Variants in KIF26A observed in about 807,000 individuals in gnomAD.
The protein encoded by KIF26A is kinesin-like protein KIF26A.
KIF26A carries 74 observed loss-of-function variants against 126.0 expected under a neutral mutation model. That is an observed-to-expected ratio of 0.59 (90% confidence interval 0.49 to 0.71). The LOEUF (loss-of-function observed/expected upper bound fraction) is 0.71, where lower values mean the gene tolerates loss of function less well. Ranked by LOEUF, KIF26A falls within the 30% of genes least tolerant of loss-of-function variation. The pLI, the probability that KIF26A is intolerant of heterozygous loss-of-function variation, is 0.00. For missense variants in KIF26A, 2,984 were observed against 2,763.3 expected, an observed-to-expected ratio of 1.08 and a Z score of -1.79; for synonymous variants, 1,445 against 1,232.7, an observed-to-expected ratio of 1.17 and a Z score of -3.61.
At chr14:104,169,827 C>T (rs534430336) in intron 5 of KIF26A, among the ~76,000 whole-genome samples, 5 of 152,210 alleles carry the variant, frequency 3.3e-5, no homozygotes, top group Non-Finnish European at 5.9e-5. Flanking sequence ...GCAGCTATTC[C>T]GTGGGGCTTT....
At position 104,175,608 on chromosome 14, in the gene KIF26A, A is replaced by G. The variant is rs764889110; in HGVS notation, c.2820A>G (p.Ala940=). Residue 940 remains alanine (A), a synonymous_variant, in exon 12 of 15, where the codon GCA becomes GCG. Transcript: ENST00000423312. The part of the protein sequence containing the change: ...WPELLVPEKA[A]VSGGRRPLPS... The stretch of plus-strand genomic sequence containing the variant: ...AGCTGCTGGTCCCGGAAAAGGCTGC[A>G]GTGAGTGGAGGCAGGAGGCCACTGC... 9.9e-6 allele frequency: 16 copies of G among 1,610,918 alleles called. No homozygotes were observed. Among genetic ancestry groups the G allele is most frequent in the Non-Finnish European group, 1.4e-5 (16 of 1,179,726 alleles).
intron 4 of KIF26A, among the ~76,000 whole-genome samples, chr14:104,162,627 G>A (rs1016330377): frequency 2.0e-5 from 3 of 152,178 alleles, no homozygotes; most frequent in Admixed American, 6.5e-5. Flanking sequence ...ATTGCCCACA[G>A]CCTTGGGTTG....
At chr14:104,138,816 G>C in intron 1 of KIF26A, 52 bp downstream of exon 1, 1 of 1,254,062 alleles carries the variant, frequency 8.0e-7, no homozygotes, top group Non-Finnish European at 1.0e-6. Context: ...GCCCGGGACG[G>C]CGAAGATACT....
chr14:104,150,927 C>T (rs899035358), intron 2 of KIF26A, among the ~76,000 whole-genome samples: 25 of 152,092 alleles, frequency 1.6e-4, no homozygotes, highest in Non-Finnish European at 2.5e-4. Context: ...AGCTGAGACA[C>T]CCCTTGGGGA....
At chr14:104,146,016 C>T (rs1310800328) in intron 2 of KIF26A, among the ~76,000 whole-genome samples, 1 of 152,240 alleles carries the variant, frequency 6.6e-6, no homozygotes, top group Non-Finnish European at 1.5e-5. Flanking sequence ...CAAGATGGGG[C>T]CAGCAGGGCA....
chr14:104,157,715 G>A (rs936137114), intron 3 of KIF26A, 40 bp from the exon 4 acceptor site: 9 of 1,586,708 alleles, frequency 5.7e-6, no homozygotes, highest in East Asian at 2.3e-5. Flanking sequence ...TGGTGTCTCT[G>A]CCCTTGCGTT....
chr14:104,156,192 A>G (rs1420654792), intron 3 of KIF26A, among the ~76,000 whole-genome samples: 2 of 152,238 alleles, frequency 1.3e-5, no homozygotes, highest in Non-Finnish European at 2.9e-5. Context: ...GTAACTTTAA[A>G]GATCACTCTT....
chr14:104,166,996 G>A lies in KIF26A; in HGVS notation c.1061G>A (p.Cys354Tyr), dbSNP rs2037912134. The change falls in exon 5 of 15, where the codon TGC becomes TAC. Residue 354 changes from cysteine to tyrosine, a missense_variant. Transcript: ENST00000423312. ...CTGTGGCCGCCCCCGGCGCCCCCCT[G>A]CCTGCTCAGGGCCGCCTCCAAGACC... The part of the protein sequence containing the change: ...LQLWPPPAPP[C>Y]LLRAASKTKD... 2.5e-6 allele frequency: 4 copies of A among 1,583,022 alleles called. No homozygotes were observed. The African/African-American group carries it at 5.4e-5, about 21-fold the overall frequency.
In KIF26A at chr14:104,176,885, C is replaced by T. The variant is rs764246536; in HGVS notation, c.4097C>T (p.Thr1366Met). The T allele has an allele frequency of 2.8e-5, 43 of 1,541,760 alleles. 1 individual carries two copies. Among genetic ancestry groups the T allele is most frequent in the African/African-American group, 6.9e-5 (5 of 72,912 alleles). Reference sequence around the variant, plus strand: ...GGGGCGGCCCCCCCGGCCCCACCCACGCGGAAGTCCAGCCTGGAGCAGAGG... The same window carrying T: ...GGGGCGGCCCCCCCGGCCCCACCCATGCGGAAGTCCAGCCTGGAGCAGAGG... Reference protein sequence around the residue: ...PSGAAPPAPPTRKSSLEQRSS... With the variant: ...PSGAAPPAPPMRKSSLEQRSS... The change falls in exon 12 of 15, where the codon ACG becomes ATG. Residue 1366 changes from threonine to methionine, a missense_variant. Transcript: ENST00000423312.
chr14:104,153,857 G>C (rs2037753068), intron 3 of KIF26A, among the ~76,000 whole-genome samples: 2 of 152,212 alleles, frequency 1.3e-5, no homozygotes, highest in Admixed American at 6.5e-5. Flanking sequence ...GGGTCCCAGC[G>C]GGTGGGGGTG....
At chr14:104,145,211 G>A (rs923211785) in intron 2 of KIF26A, among the ~76,000 whole-genome samples, 5 of 152,214 alleles carry the variant, frequency 3.3e-5, no homozygotes, top group Non-Finnish European at 1.5e-5. Context: ...TTCTTCCGGC[G>A]CTCAGGGTCA....
chr14:104,167,263 C>T (rs1405434658), intron 5 of KIF26A, among the ~76,000 whole-genome samples: 3 of 151,908 alleles, frequency 2.0e-5, no homozygotes, highest in South Asian at 2.1e-4. Flanking sequence ...AGGGGAGTGG[C>T]GTGTCCTAGG....
chr14:104,178,789 C>A (rs779875447), intron 13 of KIF26A, 34 bp downstream of exon 13: 2 of 1,258,880 alleles, frequency 1.6e-6, no homozygotes, highest in Non-Finnish European at 2.2e-6. Flanking sequence ...TCTATGACCC[C>A]TGGTGGGGAG....
At chr14:104,144,832 ATAAG>A (rs2037667098) in intron 2 of KIF26A, among the ~76,000 whole-genome samples, 2 of 152,368 alleles carry the variant, frequency 1.3e-5, no homozygotes, top group South Asian at 2.1e-4. Context: ...CTATGAGTAA[ATAAG>A]TAAGAGTAAA....
chr14:104,155,403 G>A (rs1195652435), intron 3 of KIF26A, among the ~76,000 whole-genome samples: 1 of 152,144 alleles, frequency 6.6e-6, no homozygotes, highest in African/African-American at 2.4e-5. Context: ...GAAGCTCCCC[G>A]TGGGGTGGGT....
At chr14:104,172,894 CT>C in intron 7 of KIF26A, 82 bp from the exon 8 acceptor site, 2 of 1,449,004 alleles carry the variant, frequency 1.4e-6, no homozygotes, top group South Asian at 2.9e-5. Flanking sequence ...CTCGGTGCCC[CT>C]GGTTGGCCCC....
At chr14:104,179,410 C>A (rs983317366) in intron 14 of KIF26A, 24 bp downstream of exon 14, 4 of 1,473,804 alleles carry the variant, frequency 2.7e-6, no homozygotes, top group Non-Finnish European at 2.7e-6. Context: ...GCCCACGGAC[C>A]CAGCCCGGCC....
chr14:104,144,331 G>C (rs1371026065), intron 2 of KIF26A, among the ~76,000 whole-genome samples: 1 of 152,172 alleles, frequency 6.6e-6, no homozygotes, highest in Non-Finnish European at 1.5e-5. Flanking sequence ...CGTGCTCTGG[G>C]GGAGTCTGGC....
rs985267479 is a variant in KIF26A, at chr14:104,152,881, C to T, written c.735+420C>T. 5.3e-5 allele frequency among the ~76,000 whole-genome samples: 8 copies of T among 152,196 alleles called. No individual in the cohort carries two copies. Among genetic ancestry groups the T allele is most frequent in the South Asian group, 2.1e-4 (1 of 4,818 alleles). ...GGGGGTGTGAGGCGTCCATGGACGT[C>T]GGGCGGGGGACCGGCAGTTGCAATT... On this transcript the variant is annotated intron_variant, in intron 3 of 14. Transcript: ENST00000423312. This position sits in a 1 kb window ranked among gnomAD's most constrained non-coding sequence, Gnocchi z 5.9.
Sources: gnomAD v4.1 joint callset for allele counts (sites outside exome capture counted in the v4.1 genomes callset) on GRCh38, gnomAD v4.1.1 for gene constraint, Gnocchi (gnomAD v3.1) non-coding constraint, MANE v1.5 for transcripts, NCBI Gene and HGNC (gene_info 2026-07-23, HGNC 2026-07-21) for gene names.